Variants in BTAF1 observed in about 807,000 individuals in gnomAD.
BTAF1 encodes B-TFIID TATA-box binding protein associated factor 1.
In BTAF1, 38 loss-of-function variants were observed where a neutral mutation model predicts 227.1. The ratio of observed to expected loss-of-function variants is 0.17; its 90% CI spans 0.13 to 0.22. BTAF1 has a LOEUF of 0.22. BTAF1 is among the 10% of genes least tolerant of loss of function. The pLI is 1.00. For synonymous variants in BTAF1, 742 were observed against 751.9 expected (o/e 0.99, Z 0.21); for missense variants, 1,598 against 2,204.0 (o/e 0.73, Z 5.51).
rs41287648 is a variant in BTAF1, at chr10:91,993,870, C to T, written c.3199+23C>T. The T allele has an allele frequency of 2.6e-3, 3,918 of 1,527,038 alleles. 9 individuals carry two copies. Among genetic ancestry groups the T allele is most frequent in the Non-Finnish European group, 3.2e-3 (3,567 of 1,127,630 alleles). 94.6% of individuals were successfully genotyped at this position (1,527,038 alleles called of 1,614,324 possible). On this transcript the variant is annotated intron_variant, in intron 22 of 37. Coordinates refer to ENST00000265990, the MANE Select transcript of BTAF1 (RefSeq NM_003972.3). Reference sequence around the variant, plus strand: ...TTGGTATACACATATTTTTATGAGTCCAGTTTTTAACAAATTTTAATGTCT... The same window carrying T: ...TTGGTATACACATATTTTTATGAGTTCAGTTTTTAACAAATTTTAATGTCT...
chr10:91,966,594 A>G (rs563892805), intron 13 of BTAF1, 43 bp from the exon 14 acceptor site: 2 of 1,598,254 alleles, frequency 1.3e-6, no homozygotes, highest in Non-Finnish European at 1.7e-6. Flanking sequence ...CTACAGAGTT[A>G]CAACTTAGAA....
chr10:91,986,855 T>TC (rs1848427089), intron 19 of BTAF1, among the ~76,000 whole-genome samples: 1 of 151,880 alleles, frequency 6.6e-6, no homozygotes, highest in African/African-American at 2.4e-5. Flanking sequence ...CTTTTTTTTT[T>TC]CTGTAAGGGA....
At chr10:92,028,154 A>G (rs923306778) in intron 37 of BTAF1, among the ~76,000 whole-genome samples, 2 of 152,226 alleles carry the variant, frequency 1.3e-5, no homozygotes, top group Admixed American at 1.3e-4. Context: ...AGAAAAAAGA[A>G]GGCTCAAAGA....
intron 24 of BTAF1, among the ~76,000 whole-genome samples, 196 bp from the exon 25 acceptor site, chr10:91,997,406 CA>C: frequency 6.6e-6 from 1 of 152,244 alleles, no homozygotes; most frequent in African/African-American, 2.4e-5. Flanking sequence ...GAGAAAGTTA[CA>C]TAATATTTTC....
intron 20 of BTAF1, among the ~76,000 whole-genome samples, chr10:91,991,284 A>ATATATATATATATATATATG (rs1848733369): frequency 7.7e-6 from 1 of 129,474 alleles, no homozygotes; most frequent in Admixed American, 8.5e-5. Context: ...ATATATATAT[A>ATATATATATATATATATATG]TATATATAAA....
chr10:91,932,141 A>G lies in BTAF1; in HGVS notation c.15-3516A>G, dbSNP rs563607214. On this transcript the variant is annotated intron_variant, in intron 1 of 37. Coordinates refer to ENST00000265990, the MANE Select transcript of BTAF1 (RefSeq NM_003972.3). Reference sequence around the variant, plus strand: ...CAGCAATTAGGTTAGAGAGGAGTCTAAGGTCTTTGGGCAGGAGTTCTAAGT... The same window carrying G: ...CAGCAATTAGGTTAGAGAGGAGTCTGAGGTCTTTGGGCAGGAGTTCTAAGT... 5.3e-5 allele frequency among the ~76,000 whole-genome samples: 8 copies of G among 152,294 alleles called. No individual in the cohort carries two copies. In the South Asian group the frequency reaches 6.2e-4, roughly 12 times the overall value.
intron 1 of BTAF1, among the ~76,000 whole-genome samples, chr10:91,930,000 A>G (rs1478851925): frequency 1.3e-5 from 2 of 152,216 alleles, no homozygotes; most frequent in Non-Finnish European, 2.9e-5. Context: ...TTCAATCCCA[A>G]TGGTAAATTC....
At chr10:91,991,797 G>GTGTGTATATA (rs1554860529) in intron 20 of BTAF1, among the ~76,000 whole-genome samples, 1 of 10,010 alleles carries the variant, frequency 1.0e-4, no homozygotes, top group African/African-American at 1.8e-4. Context: ...GTGTGTGTGT[G>GTGTGTATATA]TATATATATA....
At chr10:91,991,832 TACACAC>T (rs1554860575) in intron 20 of BTAF1, among the ~76,000 whole-genome samples, 2 of 11,284 alleles carry the variant, frequency 1.8e-4, no homozygotes, top group African/African-American at 2.6e-4. Context: ...TATATATATA[TACACAC>T]ATATATACAC....
chr10:91,971,494 T>C (rs1461986830), intron 14 of BTAF1, among the ~76,000 whole-genome samples: 2 of 137,408 alleles, frequency 1.5e-5, no homozygotes, highest in Admixed American at 1.6e-4. Flanking sequence ...TTTTTTGAGA[T>C]GGAGTTTTGC....
intron 25 of BTAF1, among the ~76,000 whole-genome samples, chr10:92,002,616 A>C (rs1341781237): frequency 1.3e-5 from 2 of 152,132 alleles, no homozygotes; most frequent in Non-Finnish European, 2.9e-5. Flanking sequence ...TTATGTTGTT[A>C]GATGTTCTGA....
chr10:91,950,274 CGCTTTTGTAGCTTTTA>C (rs1256736766), intron 4 of BTAF1, among the ~76,000 whole-genome samples: 1 of 151,130 alleles, frequency 6.6e-6, no homozygotes, highest in Non-Finnish European at 1.5e-5. Flanking sequence ...TGTAGCTTTT[CGCTTTTGTAGCTTTTA>C]GCTTTTAGTG....
chr10:91,943,565 TA>T (rs1056520501), intron 4 of BTAF1, among the ~76,000 whole-genome samples: 22 of 152,308 alleles, frequency 1.4e-4, no homozygotes, highest in East Asian at 1.3e-3. Context: ...TTTTTTATCA[TA>T]AAAAATGTCA....
At chr10:91,978,301 A>G (rs528389670) in intron 14 of BTAF1, among the ~76,000 whole-genome samples, 28 of 152,294 alleles carry the variant, frequency 1.8e-4, no homozygotes, top group African/African-American at 6.7e-4. Context: ...ATCTTCCTCT[A>G]TAGATGTGAC....
chr10:91,935,835 G>T, intron 2 of BTAF1, 55 bp downstream of exon 2: 5 of 1,375,182 alleles, frequency 3.6e-6, no homozygotes, highest in Non-Finnish European at 4.9e-6. Context: ...CTTATTCATG[G>T]ATAGGAACAC....
Position 91,923,875 on chromosome 10 carries a change from C to G in BTAF1, c.-202C>G, listed in dbSNP as rs1349790729. ...CCGCCTCCGCTACCGTCTTGGACCC[C>G]TGCTTACCGGCCGCCGCGGGGACGA... On this transcript the variant is annotated 5_prime_UTR_variant, in exon 1 of 38. Transcript: ENST00000265990. 1 of 542,316 alleles carries G rather than the reference C, an allele frequency of 1.8e-6. No homozygotes were observed. The highest frequency in any genetic ancestry group is 3.1e-6 in the Non-Finnish European group (1 of 326,828). The allele number at this position is 542,316 out of a possible 1,614,324, so 33.6% of individuals were successfully genotyped here.
chr10:91,930,767 A>G (rs1278556761), intron 1 of BTAF1, among the ~76,000 whole-genome samples: 2 of 152,236 alleles, frequency 1.3e-5, no homozygotes, highest in Non-Finnish European at 2.9e-5. Flanking sequence ...GTAACACAGA[A>G]AAGTAAACAT....
chr10:91,959,306 A>G, intron 9 of BTAF1, 152 bp downstream of exon 9: 1 of 1,422,498 alleles, frequency 7.0e-7, no homozygotes, highest in Non-Finnish European at 9.2e-7. Context: ...AATGGATTGA[A>G]AAGTAGAGTA....
intron 5 of BTAF1, 144 bp downstream of exon 5, chr10:91,951,710 T>G (rs1845772925): frequency 2.3e-6 from 2 of 857,070 alleles, no homozygotes; most frequent in African/African-American, 3.5e-5. Context: ...GCATCTTTTT[T>G]TAACTGGATT....
Sources: gnomAD v4.1 joint callset for allele counts (sites outside exome capture counted in the v4.1 genomes callset) on GRCh38, gnomAD v4.1.1 for gene constraint, MANE v1.5 for transcripts, NCBI Gene and HGNC (gene_info 2026-07-23, HGNC 2026-07-21) for gene names.